The following ZNF532 variants were observed in gnomAD, a reference collection of about 807,000 sequenced individuals.
The protein encoded by ZNF532 is zinc finger protein 532.
In ZNF532, 22 loss-of-function variants were observed where a neutral mutation model predicts 89.3. The observed-to-expected ratio is 0.25, with a 90% CI of 0.18 to 0.35. The LOEUF (loss-of-function observed/expected upper bound fraction) is 0.35. Among genes scored for constraint, ZNF532 ranks in the 10% least tolerant of loss-of-function variants. ZNF532 has a pLI of 1.00. For synonymous variants in ZNF532, 606 were observed against 649.6 expected, an observed-to-expected ratio of 0.93 and a Z score of 1.02; for missense variants, 1,132 against 1,643.4, an observed-to-expected ratio of 0.69 and a Z score of 5.38.
upstream of ZNF532, chr18:58,863,847 G>C (rs545105509): frequency 1.3e-5 from 2 of 152,484 alleles, no homozygotes; most frequent in East Asian, 3.9e-4. Flanking sequence ...GTGGGCGCCG[G>C]GCAGAGGCGG....
rs761433772 is a variant in ZNF532 at position 58,919,590 on chromosome 18, C to G, written c.1303C>G (p.Pro435Ala). ...QSAVVTNAVS[P>A]AELTPKQVTI... Reference sequence around the variant, plus strand: ...TGCGGTCGTGACCAATGCAGTTTCCCCTGCAGAGCTCACCCCCAAACAGGT... The same window carrying G: ...TGCGGTCGTGACCAATGCAGTTTCCGCTGCAGAGCTCACCCCCAAACAGGT... Residue 435 changes from proline to alanine, a missense_variant, in exon 3 of 10, where the codon CCT becomes GCT. Pro to Ala is a conservative substitution (Grantham distance 27). Around this residue, in one of 9 missense-constraint regions of ZNF532, gnomAD observed 124 missense variants for 191.6 expected, o/e 0.65. Coordinates refer to ENST00000591808, the MANE Select transcript of ZNF532 (RefSeq NM_001375912.1). The surrounding 1 kb of genome is among the most constrained non-coding windows in gnomAD (Gnocchi z 6.1). 3.1e-6 allele frequency: 5 copies of G among 1,614,160 alleles called. No homozygotes were observed. The highest frequency in any genetic ancestry group is 4.2e-6 in the Non-Finnish European group (5 of 1,180,034).
At chr18:58,893,622 A>G (rs968397844) in intron 2 of ZNF532, among the ~76,000 whole-genome samples, 10 of 150,250 alleles carry the variant, frequency 6.7e-5, no homozygotes, top group African/African-American at 2.0e-4. Context: ...ATGTCACTGC[A>G]CTTCAATCTG....
intron 2 of ZNF532, among the ~76,000 whole-genome samples, chr18:58,916,043 A>G (rs1404015809): frequency 1.3e-5 from 2 of 152,250 alleles, no homozygotes; most frequent in South Asian, 4.1e-4. Context: ...TCAGTTAAAA[A>G]TCTACTTTTC....
At chr18:58,950,956 T>TG (rs2064099650) in intron 6 of ZNF532, among the ~76,000 whole-genome samples, 11 of 140,238 alleles carry the variant, frequency 7.8e-5, no homozygotes, top group Middle Eastern at 4.1e-3. Context: ...CTTTTCAGAG[T>TG]CTTTTTTTTT....
chr18:58,867,892 T>C (rs1275675149), intron 2 of ZNF532, among the ~76,000 whole-genome samples: 1 of 152,246 alleles, frequency 6.6e-6, no homozygotes, highest in Non-Finnish European at 1.5e-5. Flanking sequence ...TGTTCTTTTC[T>C]CTCAGCGATT....
At chr18:58,938,003 C>T (rs553007011) in intron 4 of ZNF532, among the ~76,000 whole-genome samples, 3 of 152,280 alleles carry the variant, frequency 2.0e-5, no homozygotes, top group Admixed American at 6.5e-5. Context: ...AATGCTAATG[C>T]GTTAGTTATG....
chr18:58,888,193 A>G (rs1323604381), intron 2 of ZNF532, among the ~76,000 whole-genome samples: 2 of 152,218 alleles, frequency 1.3e-5, no homozygotes, highest in African/African-American at 4.8e-5. Context: ...AAACTTTTAG[A>G]TAGTTCATTA....
chr18:58,957,201 C>T (rs942188129), intron 7 of ZNF532, among the ~76,000 whole-genome samples: 2 of 151,970 alleles, frequency 1.3e-5, no homozygotes, highest in Non-Finnish European at 2.9e-5. Context: ...ATACGCTATA[C>T]ACATATAAGG....
At chr18:58,920,906 G>T (rs989380729) in intron 3 of ZNF532, among the ~76,000 whole-genome samples, 2 of 151,906 alleles carry the variant, frequency 1.3e-5, no homozygotes, top group Admixed American at 1.3e-4. Context: ...TGTTGGAGGT[G>T]GTAGCAGGAG....
At chr18:58,923,057 C>T (rs927288091) in intron 3 of ZNF532, among the ~76,000 whole-genome samples, 7 of 152,062 alleles carry the variant, frequency 4.6e-5, no homozygotes, top group Non-Finnish European at 1.0e-4. Context: ...GCAGGTCACC[C>T]GTTTGACGCG....
At chr18:58,969,991 C>T (rs2066310706) in intron 7 of ZNF532, among the ~76,000 whole-genome samples, 1 of 145,596 alleles carries the variant, frequency 6.9e-6, no homozygotes, top group Non-Finnish European at 1.5e-5. Flanking sequence ...TCAAGCGATT[C>T]TCCTGCCTCA....
chr18:58,939,223 G>T (rs1276275940), intron 4 of ZNF532, among the ~76,000 whole-genome samples: 2 of 124,812 alleles, frequency 1.6e-5, no homozygotes, highest in Non-Finnish European at 3.2e-5. Flanking sequence ...CTCCAGCCTG[G>T]GCGACAGAGC....
At chr18:58,979,018 T>G in intron 7 of ZNF532, 37 bp from the exon 8 acceptor site, 2 of 1,534,048 alleles carry the variant, frequency 1.3e-6, no homozygotes, top group East Asian at 4.5e-5. Flanking sequence ...TGCATCTATT[T>G]TCATTCCCTT....
At chr18:58,963,921 A>C (rs1177413055) in intron 7 of ZNF532, among the ~76,000 whole-genome samples, 1 of 152,104 alleles carries the variant, frequency 6.6e-6, no homozygotes, top group African/African-American at 2.4e-5. Context: ...TGCCCCCCTT[A>C]ATCTCCCTGA....
rs1364506902 is a variant in ZNF532 at position 58,864,924 on chromosome 18, C to T, written c.-589C>T. 1 of 152,284 alleles carries T rather than the reference C, an allele frequency of 6.6e-6. No individual in the cohort carries two copies. The highest frequency in any genetic ancestry group is 1.5e-5 in the Non-Finnish European group (1 of 68,152). The allele number at this position is 152,284 out of a possible 1,614,324, so 9.4% of individuals were successfully genotyped here. A position where few individuals can be genotyped will look rare whatever the true frequency, so the allele number is the denominator to read the frequency against. Reference sequence around the variant, plus strand: ...TTCATGGCAGCCAAAAGCAGAGGAGCTTGCAGGAAGGTACCATCCCTACAC... The same window carrying T: ...TTCATGGCAGCCAAAAGCAGAGGAGTTTGCAGGAAGGTACCATCCCTACAC... On this transcript the variant is annotated 5_prime_UTR_variant, in exon 1 of 10. Transcript: ENST00000591808.
intron 2 of ZNF532, among the ~76,000 whole-genome samples, chr18:58,908,229 C>T (rs2060058797): frequency 1.3e-5 from 2 of 152,210 alleles, no homozygotes; most frequent in African/African-American, 4.8e-5. Context: ...AAAGGGAATG[C>T]TGGTGCTGGA....
At position 58,984,764 on chromosome 18, in the gene ZNF532, T is replaced by G. The variant is rs990706075; in HGVS notation, c.*298T>G. The G allele has an allele frequency of 1.4e-5, 3 of 214,652 alleles. No individual in the cohort carries two copies. In the Admixed American group the frequency reaches 1.5e-4, roughly 11 times the overall value. 13.3% of individuals were successfully genotyped at this position (214,652 alleles called of 1,614,324 possible). ...TTGTTTTGGGTTAGAATTTTTCTTTTTGTACTGTTTCTTTAAAACAGAGTT... is the reference window on the plus strand; with the variant it reads ...TTGTTTTGGGTTAGAATTTTTCTTTGTGTACTGTTTCTTTAAAACAGAGTT... On this transcript the variant is annotated 3_prime_UTR_variant, in exon 10 of 10. Transcript: ENST00000591808.
At chr18:58,971,846 A>C (rs540200774) in intron 7 of ZNF532, among the ~76,000 whole-genome samples, 38 of 152,354 alleles carry the variant, frequency 2.5e-4, no homozygotes, top group Non-Finnish European at 4.6e-4. Flanking sequence ...GACAACCTGA[A>C]TCTTTAATAG....
upstream of ZNF532, chr18:58,863,566 A>AGACCCC (rs1333268328): frequency 2.6e-4 from 1 of 3,876 alleles, no homozygotes; most frequent in Non-Finnish European, 5.9e-4. Context: ...ACGCACACAC[A>AGACCCC]GACCCCGGCA....
Sources: gnomAD v4.1 joint callset for allele counts (sites outside exome capture counted in the v4.1 genomes callset) on GRCh38, gnomAD v4.1.1 for gene constraint, gnomAD v4.1.1 regional missense constraint, Gnocchi (gnomAD v3.1) non-coding constraint, MANE v1.5 for transcripts, NCBI Gene and HGNC (gene_info 2026-07-23, HGNC 2026-07-21) for gene names.